The following CARS1 variants were observed in gnomAD, a reference collection of about 807,000 sequenced individuals.
The protein encoded by CARS1 is cysteine--tRNA ligase, cytoplasmic.
A neutral mutation model predicts 106.2 loss-of-function variants in CARS1; 48 were observed. That is an observed-to-expected ratio of 0.45 (90% CI 0.36 to 0.57). The LOEUF (loss-of-function observed/expected upper bound fraction) is 0.57, where lower values mean the gene tolerates loss of function less well. Among genes scored for constraint, CARS1 ranks in the 20% least tolerant of loss-of-function variants. The pLI is 0.00. For missense variants in CARS1, 968 were observed against 1,057.2 expected (o/e 0.92, Z 1.17); for synonymous variants, 409 against 403.4 (o/e 1.01, Z -0.17).
Position 3,019,119 on chromosome 11 carries a change from G to A in CARS1, c.1395+20C>T, listed in dbSNP as rs760373016. The A allele has an allele frequency of 2.7e-5, 41 of 1,501,760 alleles. No individual in the cohort carries two copies. The highest frequency in any genetic ancestry group is 3.6e-5 in the Non-Finnish European group (41 of 1,128,074). 93.0% of individuals were successfully genotyped at this position (1,501,760 alleles called of 1,614,324 possible). A position where few individuals can be genotyped will look rare whatever the true frequency, so the allele number is the denominator to read the frequency against. On this transcript the variant is annotated intron_variant, in intron 12 of 22. Coordinates refer to ENST00000380525, the MANE Select transcript of CARS1 (RefSeq NM_001014437.3). The surrounding 1 kb of genome is among the most constrained non-coding windows in gnomAD (Gnocchi z 6.2). The stretch of plus-strand genomic sequence containing the variant: ...ACACTGTGCTCTTGCACCTGACAAG[G>A]GGACTCTGTTTTCACCTACCTCCGA...
At chr11:3,014,441 G>A (rs1850790606) in intron 17 of CARS1, among the ~76,000 whole-genome samples, 1 of 152,218 alleles carries the variant, frequency 6.6e-6, no homozygotes, top group African/African-American at 2.4e-5. Flanking sequence ...TCAGCTGACT[G>A]CAAAGGCCAA....
rs1275701203 is a variant in CARS1 at position 3,045,088 on chromosome 11, C to T, written c.274+2665G>A. Reference sequence around the variant, plus strand: ...TCCTTCCCGGGGGGTAGGGAGAGGCCGGCGGGCTGGAAGGGCTGAGCCTCC... The same window carrying T: ...TCCTTCCCGGGGGGTAGGGAGAGGCTGGCGGGCTGGAAGGGCTGAGCCTCC... On this transcript the variant is annotated intron_variant, in intron 2 of 22. Transcript: ENST00000380525. This position sits in a 1 kb window ranked among gnomAD's most constrained non-coding sequence, Gnocchi z 5.6. 6.6e-6 allele frequency among the ~76,000 whole-genome samples: 1 copy of T among 151,936 alleles called. No individual in the cohort carries two copies. The highest frequency in any genetic ancestry group is 1.9e-4 in the East Asian group (1 of 5,192).
At position 3,018,399 on chromosome 11, in the gene CARS1, G is replaced by A. The variant is rs929256507; in HGVS notation, c.1629+9C>T. On this transcript the variant is annotated intron_variant, in intron 14 of 22. Coordinates refer to ENST00000380525, the MANE Select transcript of CARS1 (RefSeq NM_001014437.3). ...TCCACCAACCTCCAGGAAGGGGCTG[G>A]GGACTCACATTCAAGAACTTCTCAT... The A allele has an allele frequency of 3.8e-6, 6 of 1,594,616 alleles. No individual in the cohort carries two copies. Among genetic ancestry groups the A allele is most frequent in the Non-Finnish European group, 5.2e-6 (6 of 1,162,912 alleles).
In CARS1 at chr11:3,046,142, A is replaced by C. The variant is rs73413508; in HGVS notation, c.274+1611T>G. Among the ~76,000 whole-genome samples, 6,220 of 152,248 alleles carry C rather than the reference A, an allele frequency of 0.041. 438 individuals are homozygous for C. Among genetic ancestry groups the C allele is most frequent in the African/African-American group, 0.14 (5,850 of 41,510 alleles). On this transcript the variant is annotated intron_variant, in intron 2 of 22. Transcript: ENST00000380525. This position sits in a 1 kb window ranked among gnomAD's most constrained non-coding sequence, Gnocchi z 5.8. Reference sequence around the variant, plus strand: ...TGCTATCCATGGTCCATTCTGTTACACAGCAACGTGGCTCTGCTTCCTCTC... The same window carrying C: ...TGCTATCCATGGTCCATTCTGTTACCCAGCAACGTGGCTCTGCTTCCTCTC...
intron 16 of CARS1, among the ~76,000 whole-genome samples, chr11:3,016,346 G>A (rs938749152): frequency 1.3e-5 from 2 of 151,084 alleles, no homozygotes; most frequent in East Asian, 2.0e-4. Context: ...TCAGCCTCCC[G>A]AGTAGCTGGA....
chr11:3,054,537 G>A (rs190646746), intron 1 of CARS1, among the ~76,000 whole-genome samples: 4 of 152,340 alleles, frequency 2.6e-5, no homozygotes, highest in Admixed American at 2.0e-4. Context: ...TAACTCACTG[G>A]GTTGAGCTAT....
intron 7 of CARS1, among the ~76,000 whole-genome samples, chr11:3,031,806 G>A (rs34193765): frequency 1.4e-4 from 21 of 152,146 alleles, no homozygotes; most frequent in Non-Finnish European, 2.2e-4. Flanking sequence ...AGGCAAGTCA[G>A]ACAGTTGAAA....
intron 18 of CARS1, 120 bp from the exon 19 acceptor site, chr11:3,007,079 T>A: frequency 2.4e-6 from 2 of 828,018 alleles, no homozygotes; most frequent in Non-Finnish European, 4.0e-6. Context: ...CCTCCTCCAG[T>A]GCTCAGGAGG....
At chr11:3,010,072 C>A (rs1850300926) in intron 18 of CARS1, among the ~76,000 whole-genome samples, 1 of 152,216 alleles carries the variant, frequency 6.6e-6, no homozygotes, top group East Asian at 1.9e-4. Context: ...ACCCATCTAC[C>A]TGCTCCAAGC....
rs757083679 is a variant in CARS1 at position 3,022,325 on chromosome 11, G to A, written c.1154-1993C>T. Among the ~76,000 whole-genome samples the A allele has an allele frequency of 2.0e-5, 3 of 152,128 alleles. No individual in the cohort carries two copies. The highest frequency in any genetic ancestry group is 1.9e-4 in the East Asian group (1 of 5,194). Reference sequence around the variant, plus strand: ...ACCTGCACCAAGGAACTGACTCGTCGCAGAAATGTGGTTTACCTCCCTGTC... The same window carrying A: ...ACCTGCACCAAGGAACTGACTCGTCACAGAAATGTGGTTTACCTCCCTGTC... On this transcript the variant is annotated intron_variant, in intron 10 of 22. Transcript: ENST00000380525. The surrounding 1 kb of genome is among the most constrained non-coding windows in gnomAD (Gnocchi z 4.9).
rs1283538293 is a variant in CARS1 at position 3,028,025 on chromosome 11, C to T, written c.1031+971G>A. The T allele has an allele frequency of 5.9e-6, 2 of 340,062 alleles. No homozygotes were observed. Among genetic ancestry groups the T allele is most frequent in the Non-Finnish European group, 1.2e-5 (2 of 168,682 alleles). The allele number at this position is 340,062 out of a possible 1,614,324, so 21.1% of individuals were successfully genotyped here. A position where few individuals can be genotyped will look rare whatever the true frequency, so the allele number is the denominator to read the frequency against. On this transcript the variant is annotated intron_variant, in intron 9 of 22. Transcript: ENST00000380525. The surrounding 1 kb of genome is among the most constrained non-coding windows in gnomAD (Gnocchi z 4.4). ...TTCAGCGGTCACGCTCCTAGTCCTCCTTCATGTTCCATCCTGTACACCTGG... is the reference window on the plus strand; with the variant it reads ...TTCAGCGGTCACGCTCCTAGTCCTCTTTCATGTTCCATCCTGTACACCTGG...
chr11:3,035,958 G>T (rs749008972), intron 7 of CARS1, among the ~76,000 whole-genome samples: 11 of 152,370 alleles, frequency 7.2e-5, no homozygotes, highest in Admixed American at 3.9e-4. Flanking sequence ...GCAGCCCCCA[G>T]TGGGCTGTTG....
chr11:3,055,436 T>A (rs1326116215), intron 1 of CARS1, among the ~76,000 whole-genome samples: 1 of 152,230 alleles, frequency 6.6e-6, no homozygotes, highest in Admixed American at 6.5e-5. Flanking sequence ...CCACTGCGCC[T>A]GGCCTACGAT....
chr11:3,015,315 A>G (rs1850875948), intron 17 of CARS1, among the ~76,000 whole-genome samples: 1 of 152,224 alleles, frequency 6.6e-6, no homozygotes, highest in Admixed American at 6.5e-5. Flanking sequence ...TGGGCCTGTT[A>G]GGGCATCTGC....
chr11:3,028,351 T>A lies in CARS1; in HGVS notation c.1031+645A>T. The A allele has an allele frequency of 4.4e-6, 2 of 458,898 alleles. No homozygotes were observed. The highest frequency in any genetic ancestry group is 7.9e-5 in the Admixed American group (2 of 25,334). 28.4% of individuals were successfully genotyped at this position (458,898 alleles called of 1,614,324 possible). On this transcript the variant is annotated intron_variant, in intron 9 of 22. Transcript: ENST00000380525. The surrounding 1 kb of genome is among the most constrained non-coding windows in gnomAD (Gnocchi z 4.4). The stretch of plus-strand genomic sequence containing the variant: ...GGTAGTGGTCCCCCGGGCCCAGCTG[T>A]CTTCTCTTTTATCTCTTTGTCTTGT...
rs571865859 is a variant in CARS1 at position 3,040,776 on chromosome 11, T to A, written c.455+120A>T. On this transcript the variant is annotated intron_variant, in intron 4 of 22. Coordinates refer to ENST00000380525, the MANE Select transcript of CARS1 (RefSeq NM_001014437.3). The surrounding 1 kb of genome is among the most constrained non-coding windows in gnomAD (Gnocchi z 5.8). ...AAATTCAGTCTTGATTCCTCAAATC[T>A]CAGGTCTCTGTAGCAGATCTAAGAT... is the stretch of plus-strand genomic sequence containing the variant. The A allele has an allele frequency of 1.5e-5, 15 of 1,028,350 alleles. No individual in the cohort carries two copies. The South Asian group carries it at 2.2e-4, about 15-fold the overall frequency. The allele number at this position is 1,028,350 out of a possible 1,614,324, so 63.7% of individuals were successfully genotyped here.
At position 3,029,029 on chromosome 11, in the gene CARS1, T is replaced by C. The variant is rs975290319; in HGVS notation, c.998A>G (p.Asn333Ser). 6 of 1,613,918 alleles carry C rather than the reference T, an allele frequency of 3.7e-6. No homozygotes were observed. The African/African-American group carries it at 6.7e-5, about 18-fold the overall frequency. ...RVSEYVPEIVNFVQKIVDNGY... is the reference protein window; with the variant it reads ...RVSEYVPEIVSFVQKIVDNGY... ...GTTGTCCACAATCTTCTGGACAAAG[T>C]TCACAATTTCTGGCACATACTCACT... The change falls in exon 9 of 23, where the codon AAC becomes AGC. Residue 333 changes from asparagine to serine, a missense_variant. By Grantham distance (46) the Asn-to-Ser change is conservative. Transcript: ENST00000380525. The surrounding 1 kb of genome is among the most constrained non-coding windows in gnomAD (Gnocchi z 5.9).
intron 1 of CARS1, 75 bp downstream of exon 1, chr11:3,057,268 T>G: frequency 1.5e-6 from 2 of 1,314,046 alleles, no homozygotes; most frequent in Admixed American, 1.9e-5. Context: ...AAGGACTCGC[T>G]GCCCTTCGAG....
intron 2 of CARS1, among the ~76,000 whole-genome samples, chr11:3,047,408 C>T (rs1855208649): frequency 6.6e-6 from 1 of 152,158 alleles, no homozygotes; most frequent in African/African-American, 2.4e-5. Context: ...CAGAGCCAGG[C>T]ACAGCCTTAG....
Sources: gnomAD v4.1 joint callset for allele counts (sites outside exome capture counted in the v4.1 genomes callset) on GRCh38, gnomAD v4.1.1 for gene constraint, Gnocchi (gnomAD v3.1) non-coding constraint, MANE v1.5 for transcripts, NCBI Gene and HGNC (gene_info 2026-07-23, HGNC 2026-07-21) for gene names.